Variants in SDF2 observed in about 807,000 individuals in gnomAD.
The protein encoded by SDF2 is stromal cell derived factor 2.
A neutral mutation model predicts 20.5 loss-of-function variants in SDF2; 12 were observed. The observed-to-expected ratio is 0.58, with a 90% CI of 0.37 to 0.95. The LOEUF is 0.95. Ranked by LOEUF, SDF2 falls within the 40% of genes least tolerant of loss-of-function variation. The pLI is 0.01. For missense variants in SDF2, 238 were observed against 263.1 expected (o/e 0.90, Z 0.66); for synonymous variants, 100 against 101.0 (o/e 0.99, Z 0.06).
At chr17:28,652,174 C>T (rs533441297) in intron 2 of SDF2, among the ~76,000 whole-genome samples, 165 of 150,888 alleles carry the variant, frequency 1.1e-3, no homozygotes, top group African/African-American at 3.9e-3. Flanking sequence ...ACAGCAAGAA[C>T]CCATCTTAAA....
chr17:28,661,083 T>TAAAAAAAAAA lies in SDF2; in HGVS notation c.151+633_151+642dup, dbSNP rs11385140. The TAAAAAAAAAA allele has an allele frequency of 1.8e-5, 5 of 285,356 alleles. 2 individuals are homozygous for TAAAAAAAAAA. Among genetic ancestry groups the TAAAAAAAAAA allele is most frequent in the Non-Finnish European group, 2.7e-5 (4 of 150,744 alleles). 17.7% of individuals were successfully genotyped at this position (285,356 alleles called of 1,614,324 possible). ...TACTAAACATTTTAATTTCAAACGC[T>TAAAAAAAAAA]AAAAAAAAAAAAAAAAAAAAGCAGT... On this transcript the variant is annotated intron_variant, in intron 1 of 2. Transcript: ENST00000247020.
chr17:28,656,957 G>A (rs1053979379), intron 1 of SDF2, among the ~76,000 whole-genome samples: 4 of 152,130 alleles, frequency 2.6e-5, no homozygotes, highest in Non-Finnish European at 2.9e-5. Context: ...AGCAAGGCAC[G>A]GTGGCTCACG....
intron 2 of SDF2, among the ~76,000 whole-genome samples, chr17:28,649,748 G>GA (rs1221611091): frequency 5.2e-4 from 58 of 111,744 alleles, no homozygotes; most frequent in Admixed American, 1.1e-3. Flanking sequence ...AAAAAAAAAA[G>GA]AAAAAAAAAA....
chr17:28,652,951 A>C (rs1400388172), intron 2 of SDF2, among the ~76,000 whole-genome samples: 2 of 152,222 alleles, frequency 1.3e-5, no homozygotes. Context: ...ATTATAACGA[A>C]GTATAAACTA....
intron 1 of SDF2, among the ~76,000 whole-genome samples, chr17:28,661,470 T>C (rs562005648): frequency 6.6e-6 from 1 of 152,380 alleles, no homozygotes; most frequent in South Asian, 2.1e-4. Context: ...ATAACAATAC[T>C]GTCCACCTTA....
chr17:28,649,334 G>T, intron 2 of SDF2, 58 bp from the exon 3 acceptor site: 2 of 1,522,266 alleles, frequency 1.3e-6, no homozygotes, highest in Non-Finnish European at 1.8e-6. Flanking sequence ...GAAAAGGGGT[G>T]GGAGGCAATG....
intron 2 of SDF2, among the ~76,000 whole-genome samples, 200 bp downstream of exon 2, chr17:28,655,087 C>G (rs2071948514): frequency 6.6e-6 from 1 of 152,218 alleles, no homozygotes; most frequent in South Asian, 2.1e-4. Flanking sequence ...CAAGATCATG[C>G]CACTGCACTG....
intron 2 of SDF2, among the ~76,000 whole-genome samples, chr17:28,649,934 G>T: frequency 6.6e-6 from 1 of 150,764 alleles, no homozygotes; most frequent in Non-Finnish European, 1.5e-5. Context: ...GCTTTCCAGT[G>T]TTGTTATTTT....
At position 28,648,759 on chromosome 17, in the gene SDF2, C is replaced by A. The variant is rs930541464; in HGVS notation, c.*230G>T. 7.0e-6 allele frequency: 4 copies of A among 575,266 alleles called. No homozygotes were observed. Among genetic ancestry groups the A allele is most frequent in the Non-Finnish European group, 9.3e-6 (3 of 322,790 alleles). 35.6% of individuals were successfully genotyped at this position (575,266 alleles called of 1,614,324 possible). ...CTAATAAAAAGCATCTGCCCCTTTA[C>A]CAGCAAGTCCTCTACTCAGAAAGAA... On this transcript the variant is annotated 3_prime_UTR_variant, in exon 3 of 3. Transcript: ENST00000247020.
chr17:28,662,141 G>T (rs567868702), upstream of SDF2: 797 of 383,632 alleles, frequency 2.1e-3, 1 homozygote, highest in Admixed American at 3.7e-3. Flanking sequence ...TTCCGAGAGC[G>T]GGAGAGAGAA....
At chr17:28,661,057 T>TTAC (rs1298182002) in intron 1 of SDF2, 1 of 395,238 alleles carries the variant, frequency 2.5e-6, no homozygotes. Flanking sequence ...AAATAATTTA[T>TTAC]TACTAAACAT....
At chr17:28,661,312 A>T (rs2072037163) in intron 1 of SDF2, 1 of 362,068 alleles carries the variant, frequency 2.8e-6, no homozygotes, top group Non-Finnish European at 5.5e-6. Context: ...TTTCAGACAC[A>T]GCACTTACTG....
At chr17:28,657,695 GC>G (rs2071976934) in intron 1 of SDF2, 2 of 151,574 alleles carry the variant, frequency 1.3e-5, no homozygotes, top group Non-Finnish European at 2.9e-5. Context: ...ACCACACCCA[GC>G]CTAAAAAAAA....
At chr17:28,652,460 G>A (rs1040120135) in intron 2 of SDF2, among the ~76,000 whole-genome samples, 1 of 152,018 alleles carries the variant, frequency 6.6e-6, no homozygotes, top group African/African-American at 2.4e-5. Context: ...ACAGGCTCCC[G>A]CCACCATGCC....
At chr17:28,649,703 C>CA (rs2071896596) in intron 2 of SDF2, among the ~76,000 whole-genome samples, 1 of 144,510 alleles carries the variant, frequency 6.9e-6, no homozygotes, top group African/African-American at 2.6e-5. Flanking sequence ...CATTGCACTC[C>CA]AGCCTGGGCA....
At position 28,655,270 on chromosome 17, in the gene SDF2, A is replaced by G; in HGVS notation, c.348+17T>C. 6.2e-7 allele frequency: 1 copy of G among 1,613,098 alleles called. No homozygotes were observed. The highest frequency in any genetic ancestry group is 8.5e-7 in the Non-Finnish European group (1 of 1,179,488). On this transcript the variant is annotated intron_variant, in intron 2 of 2. Coordinates refer to ENST00000247020, the MANE Select transcript of SDF2 (RefSeq NM_006923.4). ...GAGTAATGCAGAGCAGCAACAATCC[A>G]TCGAAAGCCACCTCACCTGGTTTCC...
At chr17:28,661,575 A>T in intron 1 of SDF2, 151 bp downstream of exon 1, 1 of 779,302 alleles carries the variant, frequency 1.3e-6, no homozygotes. Context: ...ATGCCTTAGA[A>T]CAATTCAGTT....
intron 1 of SDF2, chr17:28,660,641 A>G (rs115711765): frequency 3.5e-4 from 53 of 152,582 alleles, no homozygotes; most frequent in African/African-American, 1.3e-3. Context: ...AATAAGCCTG[A>G]CAACATGGTA....
intron 1 of SDF2, 74 bp downstream of exon 1, chr17:28,661,652 A>C: frequency 1.3e-6 from 2 of 1,510,266 alleles, no homozygotes; most frequent in Admixed American, 1.8e-5. Context: ...ACACTGTCAG[A>C]TATTCTATAG....
Sources: gnomAD v4.1 joint callset for allele counts (sites outside exome capture counted in the v4.1 genomes callset) on GRCh38, gnomAD v4.1.1 for gene constraint, MANE v1.5 for transcripts, NCBI Gene and HGNC (gene_info 2026-07-23, HGNC 2026-07-21) for gene names.